Variants in MTNR1A observed in about 807,000 individuals in gnomAD.
MTNR1A encodes the protein melatonin receptor type 1A.
Under a neutral mutation model 5.5 loss-of-function variants are expected in MTNR1A, and 7 were observed. The ratio of observed to expected loss-of-function variants is 1.28; its 90% CI spans 0.73 to 2.40. The LOEUF (loss-of-function observed/expected upper bound fraction) is 2.40. MTNR1A is among the 30% of genes most tolerant of loss of function. MTNR1A has a pLI of 0.00. For missense variants in MTNR1A, 441 were observed against 464.4 expected, an observed-to-expected ratio of 0.95 and a Z score of 0.46; for synonymous variants, 196 against 202.7, an observed-to-expected ratio of 0.97 and a Z score of 0.28.
At chr4:186,547,628 C>G (rs913119578) in intron 1 of MTNR1A, among the ~76,000 whole-genome samples, 3 of 152,228 alleles carry the variant, frequency 2.0e-5, no homozygotes, top group Non-Finnish European at 4.4e-5. Flanking sequence ...CTATCCCACT[C>G]TGTCTCTAGT....
At chr4:186,553,112 T>G (rs1027751301) in intron 1 of MTNR1A, among the ~76,000 whole-genome samples, 1 of 152,252 alleles carries the variant, frequency 6.6e-6, no homozygotes, top group Non-Finnish European at 1.5e-5. Context: ...CATTGTCATT[T>G]CTTCCATTCT....
At chr4:186,546,736 C>A (rs1162501160) in intron 1 of MTNR1A, among the ~76,000 whole-genome samples, 1 of 145,930 alleles carries the variant, frequency 6.9e-6, no homozygotes, top group African/African-American at 2.7e-5. Context: ...CCTGTTCATA[C>A]AACACACCAT....
intron 1 of MTNR1A, among the ~76,000 whole-genome samples, chr4:186,549,760 G>A (rs1051824397): frequency 1.1e-4 from 16 of 152,054 alleles, no homozygotes; most frequent in Non-Finnish European, 1.9e-4. Flanking sequence ...TTTGACCCAC[G>A]CTTAGAACAG....
intron 1 of MTNR1A, among the ~76,000 whole-genome samples, chr4:186,538,476 G>T (rs73873636): frequency 6.6e-6 from 1 of 152,060 alleles, no homozygotes; most frequent in Non-Finnish European, 1.5e-5. Context: ...TGCCCTGCAG[G>T]GGGTGGGTGA....
At position 186,534,512 on chromosome 4, in the gene MTNR1A, GCCA is replaced by G. The variant is rs3217506; in HGVS notation, c.227_229del (p.Val76del). The stretch of plus-strand genomic sequence containing the variant: ...CAGCACCAACGGGTACGGATAAATG[GCCA>G]CCACCAGGTCTGCCACCGCTAAGCT... On this transcript the variant is annotated inframe_deletion, in exon 2 of 2. Transcript: ENST00000307161. The G allele has an allele frequency of 6.8e-6, 11 of 1,613,614 alleles. No individual in the cohort carries two copies. The East Asian group carries it at 2.2e-4, about 33-fold the overall frequency.
intron 1 of MTNR1A, among the ~76,000 whole-genome samples, chr4:186,536,423 A>T (rs963036077): frequency 6.6e-6 from 1 of 152,102 alleles, no homozygotes; most frequent in African/African-American, 2.4e-5. Flanking sequence ...ACAGACCAGA[A>T]GCTGTGAGGA....
chr4:186,536,802 TC>T (rs1207431007), intron 1 of MTNR1A, among the ~76,000 whole-genome samples: 1 of 152,228 alleles, frequency 6.6e-6, no homozygotes, highest in Non-Finnish European at 1.5e-5. Flanking sequence ...AAATTTATTT[TC>T]CCACAGATCA....
chr4:186,536,146 G>A (rs1736843873), intron 1 of MTNR1A, among the ~76,000 whole-genome samples: 1 of 151,890 alleles, frequency 6.6e-6, no homozygotes, highest in South Asian at 2.1e-4. Context: ...AGGAGTTCAG[G>A]ACCAGCCTGG....
rs1737343774 is a variant in MTNR1A at position 186,555,138 on chromosome 4, C to T, written c.184+44G>A. 6.4e-7 allele frequency: 1 copy of T among 1,559,546 alleles called. No homozygotes were observed. The highest frequency in any genetic ancestry group is 8.7e-7 in the Non-Finnish European group (1 of 1,149,720). On this transcript the variant is annotated intron_variant, in intron 1 of 1. Transcript: ENST00000307161. This position sits in a 1 kb window ranked among gnomAD's most constrained non-coding sequence, Gnocchi z 4.1. ...AAGGCTGGCTGCCCGCGGAGAGGCG[C>T]TGCGTCCGGAGCGCTGGCCCAGGGG...
chr4:186,546,326 C>T lies in MTNR1A; in HGVS notation c.184+8856G>A, dbSNP rs368683133. 2.6e-5 allele frequency among the ~76,000 whole-genome samples: 4 copies of T among 152,018 alleles called. No individual in the cohort carries two copies. In the East Asian group the frequency reaches 7.7e-4, roughly 29 times the overall value. ...TCTCCATAGCCGATGAGCCTCCTCT[C>T]ATCCCCCACCCCTCCTGCCGTCGGC... is the stretch of plus-strand genomic sequence containing the variant. On this transcript the variant is annotated intron_variant, in intron 1 of 1. Coordinates refer to ENST00000307161, the MANE Select transcript of MTNR1A (RefSeq NM_005958.4).
chr4:186,538,431 G>A (rs1358942149), intron 1 of MTNR1A, among the ~76,000 whole-genome samples: 2 of 152,182 alleles, frequency 1.3e-5, no homozygotes, highest in African/African-American at 2.4e-5. Flanking sequence ...AGTGCCAGAC[G>A]CCACCACAAG....
Position 186,547,212 on chromosome 4 carries a change from G to A in MTNR1A, c.184+7970C>T, listed in dbSNP as rs113620425. Among the ~76,000 whole-genome samples, 68 of 71,712 alleles carry A rather than the reference G, an allele frequency of 9.5e-4. 3 individuals are homozygous for A. Among genetic ancestry groups the A allele is most frequent in the African/African-American group, 3.7e-3 (64 of 17,272 alleles). The allele number at this position is 71,712 out of a possible 152,430, so 47.0% of individuals were successfully genotyped here. ...CCACACCCTGTTCATGGGACACACC[G>A]TCCACACCACACCCTGTTCATGGGA... On this transcript the variant is annotated intron_variant, in intron 1 of 1. Transcript: ENST00000307161.
chr4:186,544,161 C>T (rs1203545375), intron 1 of MTNR1A, among the ~76,000 whole-genome samples: 2 of 152,126 alleles, frequency 1.3e-5, no homozygotes, highest in African/African-American at 4.8e-5. Context: ...GCTGGGACTA[C>T]AGGTGCACGC....
chr4:186,555,101 A>C lies in MTNR1A; in HGVS notation c.184+81T>G, dbSNP rs1737342806. 7 of 1,414,000 alleles carry C rather than the reference A, an allele frequency of 5.0e-6. No individual in the cohort carries two copies. The African/African-American group carries it at 8.5e-5, about 17-fold the overall frequency. 87.6% of individuals were successfully genotyped at this position (1,414,000 alleles called of 1,614,324 possible). ...TCCGCAGTGTTTAGGAAAAAGAACC[A>C]AGTGCTTGGGGAAGGCTGGCTGCCC... is the stretch of plus-strand genomic sequence containing the variant. On this transcript the variant is annotated intron_variant, in intron 1 of 1. Transcript: ENST00000307161. This position sits in a 1 kb window ranked among gnomAD's most constrained non-coding sequence, Gnocchi z 4.1.
chr4:186,540,140 A>G (rs1413457416), intron 1 of MTNR1A, among the ~76,000 whole-genome samples: 1 of 152,198 alleles, frequency 6.6e-6, no homozygotes, highest in Non-Finnish European at 1.5e-5. Flanking sequence ...TGTGAGGCTT[A>G]TTCACTATCT....
rs1453533256 is a variant in MTNR1A, at chr4:186,534,144, T to C, written c.598A>G (p.Met200Val). 9 of 1,613,594 alleles carry C rather than the reference T, an allele frequency of 5.6e-6. No homozygotes were observed. The highest frequency in any genetic ancestry group is 4.0e-5 in the African/African-American group (3 of 74,856). ...AGGTAACAGAAGATGACTATGATCA[T>C]GGGGACGAGGAAGTGGAAAACCACC... Reference protein sequence around the residue: ...AVVVFHFLVPMIIVIFCYLRI... With the variant: ...AVVVFHFLVPVIIVIFCYLRI... Residue 200 changes from methionine to valine, a missense_variant, in exon 2 of 2, where the codon ATG becomes GTG. Transcript: ENST00000307161.
intron 1 of MTNR1A, among the ~76,000 whole-genome samples, chr4:186,547,180 A>G (rs112335521): frequency 0.01 from 428 of 41,378 alleles, 55 homozygotes; most frequent in Middle Eastern, 0.016. Context: ...GGGACACACC[A>G]TCCACACCAC....
chr4:186,541,773 G>A lies in MTNR1A; in HGVS notation c.185-7216C>T, dbSNP rs1302993146. On this transcript the variant is annotated intron_variant, in intron 1 of 1. Coordinates refer to ENST00000307161, the MANE Select transcript of MTNR1A (RefSeq NM_005958.4). ...ATTTGAGGTGGGACAGTTTCATCCC[G>A]AAACCATTCCCCCACCCTGTCCTGT... Among the ~76,000 whole-genome samples, 14 of 152,226 alleles carry A rather than the reference G, an allele frequency of 9.2e-5. 1 individual carries two copies. In the South Asian group the frequency reaches 1.2e-3, roughly 14 times the overall value.
At position 186,555,378 on chromosome 4, in the gene MTNR1A, C is replaced by G. The variant is rs1737350634; in HGVS notation, c.-13G>C. 7.0e-7 allele frequency: 1 copy of G among 1,418,700 alleles called. No homozygotes were observed. Among genetic ancestry groups the G allele is most frequent in the African/African-American group, 1.5e-5 (1 of 66,648 alleles). The allele number at this position is 1,418,700 out of a possible 1,614,324, so 87.9% of individuals were successfully genotyped here. A position where few individuals can be genotyped will look rare whatever the true frequency, so the allele number is the denominator to read the frequency against. Reference sequence around the variant, plus strand: ...CGTTGCCCTGCATGGTCCCTGTGCGCGTCCCGGCCGCGGGGCCATCGCCCG... The same window carrying G: ...CGTTGCCCTGCATGGTCCCTGTGCGGGTCCCGGCCGCGGGGCCATCGCCCG... On this transcript the variant is annotated 5_prime_UTR_variant, in exon 1 of 2. Coordinates refer to ENST00000307161, the MANE Select transcript of MTNR1A (RefSeq NM_005958.4). This position sits in a 1 kb window ranked among gnomAD's most constrained non-coding sequence, Gnocchi z 4.1.
Sources: gnomAD v4.1 joint callset for allele counts (sites outside exome capture counted in the v4.1 genomes callset) on GRCh38, gnomAD v4.1.1 for gene constraint, Gnocchi (gnomAD v3.1) non-coding constraint, MANE v1.5 for transcripts, NCBI Gene and HGNC (gene_info 2026-07-23, HGNC 2026-07-21) for gene names.